The following DYRK1A variants were observed in gnomAD, a reference collection of about 807,000 sequenced individuals.
The protein encoded by DYRK1A is dual specificity tyrosine-phosphorylation-regulated kinase 1A.
In DYRK1A, 9 loss-of-function variants were observed where a neutral mutation model predicts 79.7. The ratio of observed to expected loss-of-function variants is 0.11; its 90% CI spans 0.07 to 0.20. The LOEUF (loss-of-function observed/expected upper bound fraction) is 0.20. Ranked by LOEUF, DYRK1A falls within the 10% of genes least tolerant of loss-of-function variation. The pLI is 1.00. For missense variants in DYRK1A, 622 were observed against 956.0 expected (o/e 0.65, Z 4.61); for synonymous variants, 349 against 329.7 (o/e 1.06, Z -0.63).
intron 2 of DYRK1A, among the ~76,000 whole-genome samples, chr21:37,431,419 G>A (rs991138916): frequency 1.2e-4 from 18 of 152,140 alleles, no homozygotes; most frequent in Non-Finnish European, 2.2e-4. Flanking sequence ...AGTGAGCTGC[G>A]AAGTTGCCCA....
intron 2 of DYRK1A, among the ~76,000 whole-genome samples, chr21:37,439,701 C>G (rs961497155): frequency 6.6e-6 from 1 of 152,180 alleles, no homozygotes; most frequent in Non-Finnish European, 1.5e-5. Flanking sequence ...AACTGTCCTC[C>G]ATGAAACCAG....
chr21:37,386,427 G>T (rs1032031794), intron 1 of DYRK1A, among the ~76,000 whole-genome samples: 1 of 152,172 alleles, frequency 6.6e-6, no homozygotes, highest in Non-Finnish European at 1.5e-5. Flanking sequence ...GGCCTTCATG[G>T]ACGAAATTGA....
chr21:37,388,531 G>T (rs766230410), intron 1 of DYRK1A, among the ~76,000 whole-genome samples: 1 of 152,152 alleles, frequency 6.6e-6, no homozygotes, highest in Non-Finnish European at 1.5e-5. Context: ...CCAGTATCCA[G>T]TAAGAATTCA....
At chr21:37,448,311 T>G (rs1016812609) in intron 2 of DYRK1A, among the ~76,000 whole-genome samples, 13 of 152,204 alleles carry the variant, frequency 8.5e-5, no homozygotes, top group Admixed American at 6.5e-4. Flanking sequence ...TTACTGGTAT[T>G]TTAAATTTTT....
At position 37,515,236 on chromosome 21, in the gene DYRK1A, A is replaced by G. The variant is rs533738184; in HGVS notation, c.*2705A>G. The G allele has an allele frequency of 1.2e-4, 19 of 152,786 alleles. No homozygotes were observed. The highest frequency in any genetic ancestry group is 2.6e-4 in the Non-Finnish European group (18 of 68,034). 9.5% of individuals were successfully genotyped at this position (152,786 alleles called of 1,614,324 possible). A position where few individuals can be genotyped will look rare whatever the true frequency, so the allele number is the denominator to read the frequency against. On this transcript the variant is annotated 3_prime_UTR_variant, in exon 12 of 12. Transcript: ENST00000647188. ...TAAGAAAAATGTAAACATAGTAAAAATCTTCCTATGCAATTAAACTGGTCC... is the reference window on the plus strand; with the variant it reads ...TAAGAAAAATGTAAACATAGTAAAAGTCTTCCTATGCAATTAAACTGGTCC...
At chr21:37,410,485 T>G (rs1366482165) in intron 1 of DYRK1A, 2 of 152,214 alleles carry the variant, frequency 1.3e-5, no homozygotes, top group African/African-American at 4.8e-5. Flanking sequence ...GAGGAGGGGT[T>G]AAGATGGTGT....
At chr21:37,488,121 G>A (rs571087557) in intron 6 of DYRK1A, 1 of 153,552 alleles carries the variant, frequency 6.5e-6, no homozygotes, top group Admixed American at 6.5e-5. Context: ...AAAAATGTTA[G>A]CTACTCAGTT....
intron 11 of DYRK1A, among the ~76,000 whole-genome samples, chr21:37,507,779 C>T (rs1473693289): frequency 6.6e-6 from 1 of 151,888 alleles, no homozygotes; most frequent in African/African-American, 2.4e-5. Flanking sequence ...CCCTACTCCG[C>T]TTAATGTTTC....
intron 2 of DYRK1A, among the ~76,000 whole-genome samples, chr21:37,443,298 C>T (rs569151430): frequency 1.2e-4 from 18 of 152,236 alleles, no homozygotes; most frequent in African/African-American, 2.9e-4. Flanking sequence ...ATTGAGCCAC[C>T]GCTCCTGGCC....
chr21:37,451,596 G>A (rs1488727410), intron 2 of DYRK1A, among the ~76,000 whole-genome samples: 1 of 151,602 alleles, frequency 6.6e-6, no homozygotes, highest in Non-Finnish European at 1.5e-5. Flanking sequence ...AGGCTCCACC[G>A]TCTAGCGTGG....
intron 5 of DYRK1A, among the ~76,000 whole-genome samples, chr21:37,485,447 A>G (rs1335301403): frequency 1.3e-5 from 2 of 152,182 alleles, no homozygotes; most frequent in Non-Finnish European, 2.9e-5. Context: ...CAGTTGAGCC[A>G]TTCAGAATCT....
chr21:37,418,170 A>G (rs962212929), intron 1 of DYRK1A, among the ~76,000 whole-genome samples: 4 of 152,168 alleles, frequency 2.6e-5, no homozygotes, highest in Admixed American at 2.0e-4. Context: ...GGAAGGATAT[A>G]TGGAATAATC....
intron 1 of DYRK1A, among the ~76,000 whole-genome samples, chr21:37,395,591 G>T (rs2049946491): frequency 6.6e-6 from 1 of 151,774 alleles, no homozygotes; most frequent in South Asian, 2.1e-4. Flanking sequence ...TCTCTCCTGG[G>T]GATGGGATAC....
At chr21:37,391,729 A>G (rs1287416111) in intron 1 of DYRK1A, among the ~76,000 whole-genome samples, 1 of 152,132 alleles carries the variant, frequency 6.6e-6, no homozygotes, top group East Asian at 1.9e-4. Context: ...ACCTAGCCCT[A>G]GTTTATCTTT....
intron 2 of DYRK1A, among the ~76,000 whole-genome samples, chr21:37,445,188 A>G (rs1041319185): frequency 6.6e-6 from 1 of 152,216 alleles, no homozygotes; most frequent in African/African-American, 2.4e-5. Flanking sequence ...GGGAATTAAT[A>G]CTATAAAGTT....
At chr21:37,367,853 G>A (rs1229706836) in intron 1 of DYRK1A, among the ~76,000 whole-genome samples, 1 of 151,392 alleles carries the variant, frequency 6.6e-6, no homozygotes, top group Non-Finnish European at 1.5e-5. Context: ...GTGGGAGCGG[G>A]GGCCGCGGCC....
In DYRK1A at chr21:37,410,275, A is replaced by G. The variant is rs565594075; in HGVS notation, c.-76-10024A>G. 3.6e-4 allele frequency among the ~76,000 whole-genome samples: 55 copies of G among 152,322 alleles called. No individual in the cohort carries two copies. In the Middle Eastern group the frequency reaches 0.01, roughly 28 times the overall value. Reference sequence around the variant, plus strand: ...TGAGGAATAAGTCTTTGTGCATATGAAGAGTGTTTTGTAGGCTGTGTATAG... The same window carrying G: ...TGAGGAATAAGTCTTTGTGCATATGGAGAGTGTTTTGTAGGCTGTGTATAG... On this transcript the variant is annotated intron_variant, in intron 1 of 11. Transcript: ENST00000647188.
At chr21:37,467,620 T>A (rs1436805201) in intron 2 of DYRK1A, among the ~76,000 whole-genome samples, 1 of 152,190 alleles carries the variant, frequency 6.6e-6, no homozygotes, top group Non-Finnish European at 1.5e-5. Flanking sequence ...TTTCAGTAGA[T>A]ACAGAAAGAG....
intron 9 of DYRK1A, chr21:37,503,389 G>T (rs2053508195): frequency 1.3e-5 from 2 of 152,068 alleles, no homozygotes. Context: ...GCTGAGTCCA[G>T]TCTGTTGTTG....
Sources: gnomAD v4.1 joint callset for allele counts (sites outside exome capture counted in the v4.1 genomes callset) on GRCh38, gnomAD v4.1.1 for gene constraint, MANE v1.5 for transcripts, NCBI Gene and HGNC (gene_info 2026-07-23, HGNC 2026-07-21) for gene names.